The following PMFBP1 variants were observed in gnomAD, a reference collection of about 807,000 sequenced individuals.
PMFBP1 encodes the protein polyamine modulated factor 1 binding protein 1, also known as polyamine-modulated factor 1-binding protein 1.
In PMFBP1, 131 loss-of-function variants were observed where a neutral mutation model predicts 137.8. The observed-to-expected ratio is 0.95, with a 90% CI of 0.82 to 1.10. The LOEUF (loss-of-function observed/expected upper bound fraction) is 1.10, where lower values mean the gene tolerates loss of function less well. Among genes scored for constraint, PMFBP1 ranks in the 50% least tolerant of loss-of-function variants. The pLI, the probability that PMFBP1 is intolerant of heterozygous loss-of-function variation, is 0.00. For missense variants in PMFBP1, 1,199 were observed against 1,175.4 expected, an observed-to-expected ratio of 1.02 and a Z score of -0.29; for synonymous variants, 490 against 450.4, an observed-to-expected ratio of 1.09 and a Z score of -1.11.
intron 5 of PMFBP1, among the ~76,000 whole-genome samples, chr16:72,149,918 C>A (rs758804479): frequency 5.3e-5 from 8 of 152,130 alleles, no homozygotes; most frequent in Non-Finnish European, 8.8e-5. Flanking sequence ...ATTCTCAACA[C>A]ATGATTCAAG....
chr16:72,223,896 T>C, the PMFBP1 span, among the ~76,000 whole-genome samples: 3 of 152,186 alleles, frequency 2.0e-5, no homozygotes, highest in African/African-American at 4.8e-5. Context: ...TTCCTATCTA[T>C]ACCTTAAAGG....
the PMFBP1 span, among the ~76,000 whole-genome samples, chr16:72,248,802 T>C: frequency 2.6e-5 from 4 of 152,136 alleles, no homozygotes; most frequent in Non-Finnish European, 5.9e-5. Context: ...TAAAATAATG[T>C]TTGAATTAGT....
chr16:72,135,370 T>G (rs754866431), intron 9 of PMFBP1, among the ~76,000 whole-genome samples: 13,416 of 151,112 alleles, frequency 0.089, 783 homozygotes, highest in Middle Eastern at 0.14. Context: ...TTTTTTTTTT[T>G]TTTTTTTTGT....
At chr16:72,190,779 AATT>A in the PMFBP1 span, among the ~76,000 whole-genome samples, 1 of 152,068 alleles carries the variant, frequency 6.6e-6, no homozygotes, top group Non-Finnish European at 1.5e-5. Flanking sequence ...GGCACAATGT[AATT>A]ATTATTTCTT....
At chr16:72,169,671 A>G (rs1217675950) in intron 2 of PMFBP1, among the ~76,000 whole-genome samples, 1 of 113,198 alleles carries the variant, frequency 8.8e-6, no homozygotes, top group Non-Finnish European at 1.8e-5. Flanking sequence ...TGTAAGAAAG[A>G]TAAACACACA....
intron 2 of PMFBP1, among the ~76,000 whole-genome samples, chr16:72,168,460 A>G (rs961169053): frequency 7.9e-5 from 12 of 152,340 alleles, no homozygotes; most frequent in East Asian, 5.8e-4. Flanking sequence ...CTACTTTATG[A>G]AGGCTAAATT....
chr16:72,187,291 T>C, the PMFBP1 span, among the ~76,000 whole-genome samples: 2 of 152,204 alleles, frequency 1.3e-5, no homozygotes, highest in Non-Finnish European at 2.9e-5. Context: ...CTGCAGATTA[T>C]AGATTTGGTT....
At chr16:72,234,783 C>T in the PMFBP1 span, among the ~76,000 whole-genome samples, 209 of 152,270 alleles carry the variant, frequency 1.4e-3, 3 homozygotes, top group East Asian at 0.032. Flanking sequence ...TTTTATTTCC[C>T]TAATGACTAA....
the PMFBP1 span, among the ~76,000 whole-genome samples, chr16:72,207,092 G>C: frequency 6.6e-6 from 1 of 152,044 alleles, no homozygotes; most frequent in African/African-American, 2.4e-5. Flanking sequence ...GTTTGGGCTT[G>C]GCACTGAGTC....
upstream of PMFBP1, among the ~76,000 whole-genome samples, chr16:72,178,932 A>G (rs1396244053): frequency 1.3e-5 from 2 of 152,176 alleles, no homozygotes; most frequent in Non-Finnish European, 2.9e-5. Context: ...TATTCAGACA[A>G]TTTTAATGGG....
chr16:72,211,034 T>C, the PMFBP1 span, among the ~76,000 whole-genome samples: 5,425 of 152,246 alleles, frequency 0.036, 316 homozygotes, highest in African/African-American at 0.12. Context: ...GATGGTTTTA[T>C]CACCTTAGAG....
chr16:72,177,895 T>G (rs548200667), upstream of PMFBP1, among the ~76,000 whole-genome samples: 79 of 151,764 alleles, frequency 5.2e-4, no homozygotes, highest in African/African-American at 1.9e-3. Context: ...ATTTGCCTGA[T>G]TTTTTTTTCT....
chr16:72,172,667 C>T (rs528730946), upstream of PMFBP1, among the ~76,000 whole-genome samples: 10 of 151,774 alleles, frequency 6.6e-5, no homozygotes, highest in Non-Finnish European at 1.0e-4. Flanking sequence ...CAAAATAAAG[C>T]GAATATCACA....
the PMFBP1 span, among the ~76,000 whole-genome samples, chr16:72,212,709 A>T: frequency 6.6e-5 from 10 of 152,218 alleles, no homozygotes; most frequent in Admixed American, 5.9e-4. Flanking sequence ...CATGAATCTC[A>T]GGCTGAAAAG....
At chr16:72,224,355 T>C in the PMFBP1 span, among the ~76,000 whole-genome samples, 6 of 152,150 alleles carry the variant, frequency 3.9e-5, no homozygotes, top group Admixed American at 6.5e-5. Flanking sequence ...TGCCAGATTG[T>C]CTTACAGCAT....
chr16:72,185,270 C>T, the PMFBP1 span, among the ~76,000 whole-genome samples: 1 of 152,118 alleles, frequency 6.6e-6, no homozygotes, highest in South Asian at 2.1e-4. Context: ...GTGATCCACC[C>T]AGCTTGGCCT....
At chr16:72,243,648 A>G in the PMFBP1 span, among the ~76,000 whole-genome samples, 1 of 152,122 alleles carries the variant, frequency 6.6e-6, no homozygotes, top group Non-Finnish European at 1.5e-5. Context: ...TTGATGGAGG[A>G]AGGGAGATTC....
the PMFBP1 span, among the ~76,000 whole-genome samples, chr16:72,211,330 C>T: frequency 1.3e-5 from 2 of 152,168 alleles, no homozygotes; most frequent in African/African-American, 4.8e-5. Flanking sequence ...GTCCCCCAGG[C>T]AGAAAACCAG....
intron 5 of PMFBP1, among the ~76,000 whole-genome samples, chr16:72,150,177 T>G (rs2042880260): frequency 6.6e-6 from 1 of 152,198 alleles, no homozygotes; most frequent in South Asian, 2.1e-4. Flanking sequence ...CAGAGCCCCC[T>G]GCCGGACCCC....
Sources: gnomAD v4.1 joint callset for allele counts (sites outside exome capture counted in the v4.1 genomes callset) on GRCh38, gnomAD v4.1.1 for gene constraint, MANE v1.5 for transcripts, NCBI Gene and HGNC (gene_info 2026-07-23, HGNC 2026-07-21) for gene names.